Variants in NUP214 observed in about 807,000 individuals in gnomAD.
NUP214 encodes the protein nuclear pore complex protein Nup214.
A neutral mutation model predicts 196.2 loss-of-function variants in NUP214; 79 were observed. The ratio of observed to expected loss-of-function variants is 0.40; its 90% CI spans 0.34 to 0.49. The LOEUF (loss-of-function observed/expected upper bound fraction) is 0.49, where lower values mean the gene tolerates loss of function less well. NUP214 is among the 20% of genes least tolerant of loss of function. NUP214 has a pLI of 0.58. For missense variants in NUP214, 2,468 were observed against 2,539.0 expected, an observed-to-expected ratio of 0.97 and a Z score of 0.60; for synonymous variants, 1,020 against 990.5, an observed-to-expected ratio of 1.03 and a Z score of -0.56.
chr9:131,144,986 T>A (rs1394975264), intron 12 of NUP214, among the ~76,000 whole-genome samples: 1 of 152,214 alleles, frequency 6.6e-6, no homozygotes, highest in African/African-American at 2.4e-5. Flanking sequence ...ATGGGATTTA[T>A]ATTCAGGTAT....
chr9:131,140,175 C>T (rs1185045935), intron 10 of NUP214, among the ~76,000 whole-genome samples: 1 of 152,174 alleles, frequency 6.6e-6, no homozygotes, highest in Non-Finnish European at 1.5e-5. Context: ...GTCTCATTTT[C>T]CTACTAACCT....
At chr9:131,159,252 C>T in intron 17 of NUP214, 131 bp from the exon 18 acceptor site, 1 of 662,182 alleles carries the variant, frequency 1.5e-6, no homozygotes, top group Non-Finnish European at 2.6e-6. Flanking sequence ...GTATTAAAAC[C>T]TATTCTGTTT....
At chr9:131,168,349 C>T (rs1255825948) in intron 21 of NUP214, among the ~76,000 whole-genome samples, 4 of 152,180 alleles carry the variant, frequency 2.6e-5, no homozygotes, top group African/African-American at 9.7e-5. Context: ...GTTTGTCTTT[C>T]ACAATTGGAT....
intron 11 of NUP214, among the ~76,000 whole-genome samples, chr9:131,142,769 G>A (rs1375306802): frequency 6.6e-6 from 1 of 152,178 alleles, no homozygotes; most frequent in African/African-American, 2.4e-5. Flanking sequence ...CAATGTGACA[G>A]TTTACTTGGA....
At chr9:131,181,486 C>T (rs937089087) in intron 24 of NUP214, among the ~76,000 whole-genome samples, 3 of 152,196 alleles carry the variant, frequency 2.0e-5, no homozygotes, top group Admixed American at 6.5e-5. Context: ...TCCTCACCAA[C>T]ACTCATTATT....
At chr9:131,163,844 C>G in intron 19 of NUP214, 26 bp from the exon 20 acceptor site, 1 of 1,592,076 alleles carries the variant, frequency 6.3e-7, no homozygotes, top group Non-Finnish European at 8.6e-7. Context: ...CCTAGTTGGT[C>G]TGTATCTAAC....
At chr9:131,167,759 C>T (rs1251020794) in intron 21 of NUP214, among the ~76,000 whole-genome samples, 1 of 152,122 alleles carries the variant, frequency 6.6e-6, no homozygotes, top group Non-Finnish European at 1.5e-5. Context: ...TTATTGAATA[C>T]TCTGTCTTAT....
Position 131,212,205 on chromosome 9 carries a change from G to A in NUP214, c.5593-3007G>A, listed in dbSNP as rs554903375. On this transcript the variant is annotated intron_variant, in intron 30 of 35. Coordinates refer to ENST00000359428, the MANE Select transcript of NUP214 (RefSeq NM_005085.4). ...CTGCCTAGTAAATTTTAGTCAGACCGATTGTCTGCTCTCAAACCCTGTCTC... is the reference window on the plus strand; with the variant it reads ...CTGCCTAGTAAATTTTAGTCAGACCAATTGTCTGCTCTCAAACCCTGTCTC... Among the ~76,000 whole-genome samples, 9 of 152,260 alleles carry A rather than the reference G, an allele frequency of 5.9e-5. No individual in the cohort carries two copies. The South Asian group carries it at 6.2e-4, about 11-fold the overall frequency.
At chr9:131,130,151 G>GTTTTTTTTTT (rs56836232) in intron 4 of NUP214, among the ~76,000 whole-genome samples, 1 of 109,198 alleles carries the variant, frequency 9.2e-6, no homozygotes, top group Non-Finnish European at 1.7e-5. Context: ...TTTTTTTTTT[G>GTTTTTTTTTT]TTTTTTTTTT....
chr9:131,172,334 TG>T (rs1832983379), intron 21 of NUP214, among the ~76,000 whole-genome samples: 1 of 152,222 alleles, frequency 6.6e-6, no homozygotes, highest in African/African-American at 2.4e-5. Context: ...ATGTGTTTTT[TG>T]GCTGCATAAA....
At position 131,144,606 on chromosome 9, in the gene NUP214, C is replaced by G; in HGVS notation, c.1621C>G (p.Pro541Ala). 1 of 1,614,174 alleles carries G rather than the reference C, an allele frequency of 6.2e-7. No individual in the cohort carries two copies. The highest frequency in any genetic ancestry group is 8.5e-7 in the Non-Finnish European group (1 of 1,180,040). Residue 541 changes from proline to alanine, a missense_variant, in exon 12 of 36, where the codon CCA (proline) becomes GCA (alanine). This residue lies in a region of NUP214 where 1,801 missense variants were observed against 1,779.4 expected (regional missense o/e 1.01). Coordinates refer to ENST00000359428, the MANE Select transcript of NUP214 (RefSeq NM_005085.4). Reference sequence around the variant, plus strand: ...CACCCCTGCAGCGTCTCCTGTGGCTCCATCAGCTGCTTCATTCTCCTTTGG... The same window carrying G: ...CACCCCTGCAGCGTCTCCTGTGGCTGCATCAGCTGCTTCATTCTCCTTTGG... ...APTPAASPVA[P>A]SAASFSFGSS...
chr9:131,162,942 C>G (rs761204438), intron 18 of NUP214, 49 bp from the exon 19 acceptor site: 3 of 1,585,294 alleles, frequency 1.9e-6, no homozygotes, highest in Non-Finnish European at 2.6e-6. Flanking sequence ...TGGGAGATTC[C>G]TTTACTTGAA....
chr9:131,154,126 G>T (rs1416846456), intron 17 of NUP214, among the ~76,000 whole-genome samples: 1 of 152,054 alleles, frequency 6.6e-6, no homozygotes, highest in Non-Finnish European at 1.5e-5. Flanking sequence ...TGCTACTAAG[G>T]TTACTTCTAC....
At position 131,128,267 on chromosome 9, in the gene NUP214, A is replaced by T; in HGVS notation, c.242-65A>T. 2.6e-6 allele frequency: 4 copies of T among 1,524,334 alleles called. No individual in the cohort carries two copies. In the East Asian group the frequency reaches 6.8e-5, roughly 26 times the overall value. 94.4% of individuals were successfully genotyped at this position (1,524,334 alleles called of 1,614,324 possible). ...CAAAAATTTTTTCACATCGAACTGGATAGAGGTTGTGGCTTTATGCTTAGA... is the reference window on the plus strand; with the variant it reads ...CAAAAATTTTTTCACATCGAACTGGTTAGAGGTTGTGGCTTTATGCTTAGA... On this transcript the variant is annotated intron_variant, in intron 2 of 35. Coordinates refer to ENST00000359428, the MANE Select transcript of NUP214 (RefSeq NM_005085.4).
In NUP214 at chr9:131,144,853, A is replaced by G. The variant is rs999180476; in HGVS notation, c.1769+99A>G. 19 of 965,262 alleles carry G rather than the reference A, an allele frequency of 2.0e-5. 1 individual carries two copies. The highest frequency in any genetic ancestry group is 1.3e-4 in the East Asian group (5 of 38,082). 59.8% of individuals were successfully genotyped at this position (965,262 alleles called of 1,614,324 possible). On this transcript the variant is annotated intron_variant, in intron 12 of 35. Coordinates refer to ENST00000359428, the MANE Select transcript of NUP214 (RefSeq NM_005085.4). The stretch of plus-strand genomic sequence containing the variant: ...TCACTCTGAGAGGAGTTAACTGAGT[A>G]GAATTTTTTTACCCAGAGTGATACT...
chr9:131,168,821 A>G (rs1034553857), intron 21 of NUP214, among the ~76,000 whole-genome samples: 4 of 152,076 alleles, frequency 2.6e-5, no homozygotes, highest in African/African-American at 9.7e-5. Flanking sequence ...AACACTATTT[A>G]TTGAAAAGAC....
At chr9:131,148,177 A>G (rs1019736574) in intron 14 of NUP214, among the ~76,000 whole-genome samples, 3 of 137,796 alleles carry the variant, frequency 2.2e-5, no homozygotes, top group Non-Finnish European at 4.8e-5. Flanking sequence ...TACTCTTGCC[A>G]AAGAGTAGCT....
rs1394619634 is a variant in NUP214 at position 131,233,394 on chromosome 9, G to A, written c.6240-60G>A. The A allele has an allele frequency of 2.6e-6, 4 of 1,521,388 alleles. No homozygotes were observed. In the East Asian group the frequency reaches 9.1e-5, roughly 35 times the overall value. 94.2% of individuals were successfully genotyped at this position (1,521,388 alleles called of 1,614,324 possible). ...CTTTGCACACAGGCAGAGCAGCAGA[G>A]CCTGTGACTGCTCTGTGACAGAGCA... On this transcript the variant is annotated intron_variant, in intron 35 of 35. Coordinates refer to ENST00000359428, the MANE Select transcript of NUP214 (RefSeq NM_005085.4).
chr9:131,189,324 A>G (rs1833539070), intron 26 of NUP214, among the ~76,000 whole-genome samples, 193 bp downstream of exon 26: 1 of 152,180 alleles, frequency 6.6e-6, no homozygotes, highest in Admixed American at 6.5e-5. Context: ...ATTTCTAGAA[A>G]ATTAGTATGC....
Sources: allele counts gnomAD v4.1 joint callset (sites outside exome capture counted in the v4.1 genomes callset), GRCh38; gene constraint gnomAD v4.1.1; regional missense constraint gnomAD v4.1.1; transcripts MANE v1.5; gene names NCBI Gene and HGNC (gene_info 2026-07-23, HGNC 2026-07-21).